CWC22: variants seen among roughly 807,000 people sequenced by gnomAD.
The protein encoded by CWC22 is CWC22 spliceosome associated protein, also known as pre-mRNA-splicing factor CWC22 homolog.
In CWC22, 53 loss-of-function variants were observed where a neutral mutation model predicts 117.2. That is an observed-to-expected ratio of 0.45 (90% CI 0.36 to 0.57). The LOEUF (loss-of-function observed/expected upper bound fraction) is 0.57. Among genes scored for constraint, CWC22 ranks in the 20% least tolerant of loss-of-function variants. The pLI, the probability that CWC22 is intolerant of heterozygous loss-of-function variation, is 0.00. For missense variants in CWC22, 980 were observed against 1,068.8 expected, an observed-to-expected ratio of 0.92 and a Z score of 1.16; for synonymous variants, 360 against 355.6, an observed-to-expected ratio of 1.01 and a Z score of -0.14.
chr2:179,968,303 T>C (rs1174792804), intron 11 of CWC22, among the ~76,000 whole-genome samples: 1 of 152,154 alleles, frequency 6.6e-6, no homozygotes, highest in African/African-American at 2.4e-5. Flanking sequence ...AATTACTAGT[T>C]GTTAAATATT....
chr2:180,001,465 A>G (rs1687849528), intron 1 of CWC22, among the ~76,000 whole-genome samples: 1 of 151,988 alleles, frequency 6.6e-6, no homozygotes, highest in Non-Finnish European at 1.5e-5. Context: ...AATAGCTGGG[A>G]TTACAGGTGC....
intron 13 of CWC22, among the ~76,000 whole-genome samples, chr2:179,959,449 A>T (rs1306264138): frequency 6.6e-6 from 1 of 152,208 alleles, no homozygotes; most frequent in Non-Finnish European, 1.5e-5. Context: ...AATGTTCCGG[A>T]ATTAGACAAT....
intron 1 of CWC22, among the ~76,000 whole-genome samples, chr2:180,001,191 A>G (rs1687838027): frequency 6.6e-6 from 1 of 152,194 alleles, no homozygotes; most frequent in Admixed American, 6.5e-5. Flanking sequence ...GAACTTTTTA[A>G]TGATTCATTT....
chr2:179,973,511 G>C (rs1222512730), intron 7 of CWC22, 123 bp downstream of exon 7: 4 of 712,964 alleles, frequency 5.6e-6, no homozygotes. Context: ...TCTCATGAAA[G>C]ACAGTTTTTA....
At chr2:179,962,682 T>C (rs1272029593) in intron 13 of CWC22, among the ~76,000 whole-genome samples, 2 of 152,108 alleles carry the variant, frequency 1.3e-5, no homozygotes, top group African/African-American at 2.4e-5. Flanking sequence ...TAATTATGTG[T>C]CCATATTTAT....
chr2:179,945,906 C>T (rs1371944203), intron 19 of CWC22, among the ~76,000 whole-genome samples, 191 bp from the exon 20 acceptor site: 1 of 152,026 alleles, frequency 6.6e-6, no homozygotes, highest in Admixed American at 6.6e-5. Context: ...TTTTTTGAGA[C>T]AGTTTTGCTC....
intron 19 of CWC22, among the ~76,000 whole-genome samples, chr2:179,949,220 A>G (rs1169308790): frequency 6.6e-6 from 1 of 152,192 alleles, no homozygotes; most frequent in East Asian, 1.9e-4. Flanking sequence ...GAGACACCAG[A>G]GGTCTGGTAG....
In CWC22 at chr2:179,986,874, T is replaced by C; in HGVS notation, c.96-69A>G. ...ATGTTATAAATATTTAGGAAAGTCA[T>C]ATATTGGTAATGGTAAAGCAACTCT... On this transcript the variant is annotated intron_variant, in intron 3 of 19. Coordinates refer to ENST00000410053, the MANE Select transcript of CWC22 (RefSeq NM_020943.3). 4 of 819,610 alleles carry C rather than the reference T, an allele frequency of 4.9e-6. No homozygotes were observed. The Middle Eastern group carries it at 6.8e-4, about 140-fold the overall frequency. 50.8% of individuals were successfully genotyped at this position (819,610 alleles called of 1,614,324 possible).
intron 6 of CWC22, among the ~76,000 whole-genome samples, chr2:179,977,829 C>G: frequency 6.6e-6 from 1 of 152,052 alleles, no homozygotes; most frequent in Non-Finnish European, 1.5e-5. Context: ...CAAATATACA[C>G]AATTTTTACT....
In CWC22 at chr2:179,977,776, T is replaced by C. The variant is rs576742811; in HGVS notation, c.581+414A>G. 3.8e-3 allele frequency among the ~76,000 whole-genome samples: 583 copies of C among 152,312 alleles called. 2 individuals are homozygous for C. Among genetic ancestry groups the C allele is most frequent in the African/African-American group, 0.014 (564 of 41,578 alleles). On this transcript the variant is annotated intron_variant, in intron 6 of 19. Coordinates refer to ENST00000410053, the MANE Select transcript of CWC22 (RefSeq NM_020943.3). ...CATGTTAAACAGCTTGATTTAGTCA[T>C]TCTACAAAGTACATATATATCAAAA...
intron 1 of CWC22, among the ~76,000 whole-genome samples, chr2:179,998,960 C>G (rs1687778630): frequency 6.6e-6 from 1 of 152,078 alleles, no homozygotes; most frequent in Admixed American, 6.5e-5. Flanking sequence ...TTACATATTT[C>G]AATTTACATA....
At chr2:179,951,879 A>C (rs1686459011) in intron 17 of CWC22, among the ~76,000 whole-genome samples, 1 of 152,078 alleles carries the variant, frequency 6.6e-6, no homozygotes, top group African/African-American at 2.4e-5. Flanking sequence ...CAACTGCATA[A>C]GTGAGGCAGA....
At chr2:179,955,160 T>G (rs1686553518) in intron 14 of CWC22, 126 bp from the exon 15 acceptor site, 1 of 674,082 alleles carries the variant, frequency 1.5e-6, no homozygotes, top group Non-Finnish European at 2.5e-6. Context: ...AAAAATTTTG[T>G]AAATAAAATA....
intron 1 of CWC22, among the ~76,000 whole-genome samples, chr2:179,995,026 G>A (rs563597506): frequency 6.6e-6 from 1 of 152,282 alleles, no homozygotes; most frequent in South Asian, 2.1e-4. Flanking sequence ...GCTGAGGTGG[G>A]AGAATGGCGT....
chr2:179,965,561 A>G (rs1686868224), intron 12 of CWC22, among the ~76,000 whole-genome samples: 1 of 152,240 alleles, frequency 6.6e-6, no homozygotes, highest in African/African-American at 2.4e-5. Context: ...CATGTTTTTC[A>G]TTGTCTAGAA....
At chr2:179,990,743 G>A (rs3886511) in intron 2 of CWC22, among the ~76,000 whole-genome samples, 22,088 of 152,188 alleles carry the variant, frequency 0.15, 1,978 homozygotes, top group Admixed American at 0.29. Flanking sequence ...CGCAACATCT[G>A]TTGTGAGCAA....
chr2:179,954,816 T>C, intron 15 of CWC22, 141 bp downstream of exon 15: 1 of 581,516 alleles, frequency 1.7e-6, no homozygotes, highest in Non-Finnish European at 3.1e-6. Flanking sequence ...GTGAAGAGAG[T>C]GGGAAACCTG....
chr2:179,950,703 G>C lies in CWC22; in HGVS notation c.1949C>G (p.Thr650Arg). The change falls in exon 19 of 20, where the codon ACA (threonine) becomes AGA (arginine). Residue 650 changes from threonine to arginine, a missense_variant. Transcript: ENST00000410053. ...TDELREHLKN[T>R]PKVIVAQKPD... ...TTTCTGCGCCACAATGACCTTTGGT[G>C]TATTTTTGAGATGCTCCCGCAGTTC... 1 of 1,613,542 alleles carries C rather than the reference G, an allele frequency of 6.2e-7. No homozygotes were observed.
chr2:179,980,996 G>A (rs1687271822), intron 5 of CWC22, among the ~76,000 whole-genome samples: 1 of 152,152 alleles, frequency 6.6e-6, no homozygotes, highest in African/African-American at 2.4e-5. Context: ...ATTCTGAAAA[G>A]GGAAGGAGGA....
Sources: gnomAD v4.1 joint callset for allele counts (sites outside exome capture counted in the v4.1 genomes callset) on GRCh38, gnomAD v4.1.1 for gene constraint, MANE v1.5 for transcripts, NCBI Gene and HGNC (gene_info 2026-07-23, HGNC 2026-07-21) for gene names.